Variants in PDPN observed in about 807,000 individuals in gnomAD.
PDPN encodes the protein PA2.26 antigen.
In PDPN, 12 loss-of-function variants were observed where a neutral mutation model predicts 23.2. The ratio of observed to expected loss-of-function variants is 0.52; its 90% confidence interval spans 0.33 to 0.84. The LOEUF is 0.84. Among genes scored for constraint, PDPN ranks in the 40% least tolerant of loss-of-function variants. The pLI is 0.02. For missense variants in PDPN, 199 were observed against 212.2 expected (o/e 0.94, Z 0.39); for synonymous variants, 77 against 76.7 (o/e 1.00, Z -0.02).
chr1:13,604,524 A>C (rs1269190511), intron 1 of PDPN, among the ~76,000 whole-genome samples: 1 of 152,240 alleles, frequency 6.6e-6, no homozygotes, highest in African/African-American at 2.4e-5. Flanking sequence ...GAAAAGAACA[A>C]GAAGGAATTT....
intron 1 of PDPN, among the ~76,000 whole-genome samples, chr1:13,589,318 GT>G (rs1273118901): frequency 1.3e-5 from 2 of 152,198 alleles, no homozygotes; most frequent in East Asian, 3.9e-4. Flanking sequence ...ACAGTTTCCT[GT>G]TCTAAATAAA....
chr1:13,604,301 C>T (rs1330695477), intron 1 of PDPN, among the ~76,000 whole-genome samples: 1 of 152,138 alleles, frequency 6.6e-6, no homozygotes, highest in Non-Finnish European at 1.5e-5. Flanking sequence ...CGGCAGCTGG[C>T]CTAGTAGGAA....
intron 1 of PDPN, among the ~76,000 whole-genome samples, chr1:13,593,777 C>G (rs1449219157): frequency 1.3e-5 from 2 of 152,186 alleles, no homozygotes; most frequent in African/African-American, 4.8e-5. Flanking sequence ...TTCCCAAACA[C>G]ACCCCATTGA....
intron 1 of PDPN, among the ~76,000 whole-genome samples, chr1:13,590,126 C>T (rs1301967866): frequency 2.0e-5 from 3 of 152,380 alleles, no homozygotes; most frequent in East Asian, 3.9e-4. Context: ...CCGCTCCCTG[C>T]CACCATTTGT....
chr1:13,603,735 C>A (rs573752446), intron 1 of PDPN, among the ~76,000 whole-genome samples: 1 of 151,886 alleles, frequency 6.6e-6, no homozygotes, highest in Non-Finnish European at 1.5e-5. Context: ...GTTACAGGCA[C>A]CTGCCACTGT....
intron 1 of PDPN, among the ~76,000 whole-genome samples, chr1:13,602,661 C>T (rs1640676869): frequency 6.6e-6 from 1 of 152,076 alleles, no homozygotes; most frequent in Admixed American, 6.5e-5. Flanking sequence ...CTCCTGGGTT[C>T]AAGTGATTCT....
At chr1:13,605,983 G>A (rs1049554272) in intron 1 of PDPN, among the ~76,000 whole-genome samples, 10 of 151,970 alleles carry the variant, frequency 6.6e-5, no homozygotes, top group African/African-American at 1.9e-4. Flanking sequence ...AAAAGCCAGG[G>A]CCAAGGGCAG....
chr1:13,590,674 G>T (rs1038920819), intron 1 of PDPN, among the ~76,000 whole-genome samples: 3 of 152,142 alleles, frequency 2.0e-5, no homozygotes, highest in Non-Finnish European at 4.4e-5. Flanking sequence ...GGGTTAGAAG[G>T]GTTGAGTTGG....
chr1:13,595,805 T>A, intron 1 of PDPN: 2 of 1,180,604 alleles, frequency 1.7e-6, no homozygotes, highest in South Asian at 1.3e-5. Flanking sequence ...TATCTTCAGC[T>A]ATGCCGTCTC....
intron 3 of PDPN, 93 bp downstream of exon 3, chr1:13,610,609 G>T: frequency 8.0e-7 from 1 of 1,253,322 alleles, no homozygotes; most frequent in Non-Finnish European, 1.1e-6. Context: ...ATCAATAGGG[G>T]GCATATTGGG....
At chr1:13,593,280 C>T (rs147846407) in intron 1 of PDPN, among the ~76,000 whole-genome samples, 58 of 152,220 alleles carry the variant, frequency 3.8e-4, no homozygotes, top group Admixed American at 2.2e-3. Context: ...GGTATTTATA[C>T]GCCCGGCTTT....
intron 1 of PDPN, 109 bp downstream of exon 1, chr1:13,584,209 G>C: frequency 6.6e-7 from 1 of 1,519,810 alleles, no homozygotes; most frequent in Non-Finnish European, 8.9e-7. Flanking sequence ...GGAGCGCGGG[G>C]GAGCTGAGGG....
intron 1 of PDPN, among the ~76,000 whole-genome samples, chr1:13,592,635 C>T (rs1328807876): frequency 6.6e-6 from 1 of 151,328 alleles, no homozygotes; most frequent in Non-Finnish European, 1.5e-5. Flanking sequence ...CCGCAACCTC[C>T]GCTTCCCGGG....
chr1:13,613,132 AT>A (rs1349590399), intron 3 of PDPN, among the ~76,000 whole-genome samples: 1 of 152,212 alleles, frequency 6.6e-6, no homozygotes, highest in African/African-American at 2.4e-5. Flanking sequence ...CAAAGGGTAT[AT>A]TTGCTCATGA....
At chr1:13,594,813 C>T (rs1355978738) in intron 1 of PDPN, among the ~76,000 whole-genome samples, 3 of 150,966 alleles carry the variant, frequency 2.0e-5, no homozygotes, top group South Asian at 2.1e-4. Context: ...GGTGAAATCC[C>T]GTCTCTACTA....
Position 13,607,231 on chromosome 1 carries a change from C to T in PDPN, c.126C>T (p.Ala42=), listed in dbSNP as rs1640811630. The T allele has an allele frequency of 6.2e-7, 1 of 1,614,046 alleles. No homozygotes were observed. Among genetic ancestry groups the T allele is most frequent in the East Asian group, 2.2e-5 (1 of 44,876 alleles). Residue 42 remains alanine, a synonymous_variant, in exon 2 of 6, where the codon GCC becomes GCT. Transcript: ENST00000621990. ...TETTGLEGGV[A]MPGAEDDVVT... is the part of the protein sequence containing the mutation. Reference sequence around the variant, plus strand: ...CTACAGGTTTGGAAGGCGGCGTTGCCATGCCAGGTGCCGAAGATGATGTGG... The same window carrying T: ...CTACAGGTTTGGAAGGCGGCGTTGCTATGCCAGGTGCCGAAGATGATGTGG...
chr1:13,604,461 G>A (rs1453167006), intron 1 of PDPN, among the ~76,000 whole-genome samples: 1 of 152,176 alleles, frequency 6.6e-6, no homozygotes, highest in African/African-American at 2.4e-5. Context: ...TTCATAAAAC[G>A]CCTTTTGTCC....
chr1:13,610,566 G>T (rs770668823), intron 3 of PDPN, 50 bp downstream of exon 3: 1 of 1,584,392 alleles, frequency 6.3e-7, no homozygotes, highest in South Asian at 1.1e-5. Context: ...TTGCATAATT[G>T]GTGCATTCCA....
intron 1 of PDPN, 126 bp downstream of exon 1, chr1:13,584,226 C>A: frequency 1.3e-6 from 2 of 1,518,856 alleles, no homozygotes; most frequent in Non-Finnish European, 8.8e-7. Flanking sequence ...AGGGTGTGTG[C>A]GTGTCAGGCG....
Sources: gnomAD v4.1 joint callset for allele counts (sites outside exome capture counted in the v4.1 genomes callset) on GRCh38, gnomAD v4.1.1 for gene constraint, MANE v1.5 for transcripts, NCBI Gene and HGNC (gene_info 2026-07-23, HGNC 2026-07-21) for gene names.